The following HDAC5 variants were observed in gnomAD, a reference collection of about 807,000 sequenced individuals.
HDAC5 encodes the protein histone deacetylase 5.
Under a neutral mutation model 133.3 loss-of-function variants are expected in HDAC5, and 25 were observed. That is an observed-to-expected ratio of 0.19 (90% CI 0.14 to 0.26). HDAC5 has a LOEUF of 0.26. Among genes scored for constraint, HDAC5 ranks in the 10% least tolerant of loss-of-function variants. The pLI is 1.00. For missense variants in HDAC5, 1,041 were observed against 1,460.5 expected, an observed-to-expected ratio of 0.71 and a Z score of 4.68; for synonymous variants, 589 against 610.8, an observed-to-expected ratio of 0.96 and a Z score of 0.53.
At chr17:44,111,154 C>T (rs536072679) in intron 2 of HDAC5, 10 of 374,156 alleles carry the variant, frequency 2.7e-5, no homozygotes, top group Admixed American at 2.6e-4. Flanking sequence ...GGGAGCTCAG[C>T]GGGCAGGCGG....
chr17:44,079,364 A>G (rs539879897), intron 23 of HDAC5, 87 bp from the exon 24 acceptor site: 124 of 1,398,008 alleles, frequency 8.9e-5, no homozygotes, highest in South Asian at 1.9e-4. Flanking sequence ...AAAAAAGGCC[A>G]GGCGCGGTGG....
At position 44,088,529 on chromosome 17, in the gene HDAC5, T is replaced by C. The variant is rs1211200732; in HGVS notation, c.1457A>G (p.Lys486Arg). 30 of 1,613,328 alleles carry C rather than the reference T, an allele frequency of 1.9e-5. No homozygotes were observed. Among genetic ancestry groups the C allele is most frequent in the Non-Finnish European group, 2.4e-5 (28 of 1,179,970 alleles). The change falls in exon 12 of 27, where the codon AAG becomes AGG. Residue 486 changes from lysine (K) to arginine (R), a missense_variant. Lys to Arg is a conservative substitution (Grantham distance 26). Transcript: ENST00000682912. ...RVATSMRTVGKLPRHRPLSRT... is the reference protein window; with the variant it reads ...RVATSMRTVGRLPRHRPLSRT... Reference sequence around the variant, plus strand: ...GCTCAGGGGCCGATGCCGCGGGAGCTTGCCTACCGTCCGCATGCTGGTGGC... The same window carrying C: ...GCTCAGGGGCCGATGCCGCGGGAGCCTGCCTACCGTCCGCATGCTGGTGGC...
intron 3 of HDAC5, among the ~76,000 whole-genome samples, chr17:44,095,673 T>C (rs2051223391): frequency 6.6e-6 from 1 of 151,164 alleles, no homozygotes; most frequent in Admixed American, 6.6e-5. Flanking sequence ...TGCCGCTATA[T>C]ATAGAGTGAG....
At chr17:44,085,376 G>C (rs2143125091) in intron 14 of HDAC5, 1 of 422,240 alleles carries the variant, frequency 2.4e-6, no homozygotes, top group Non-Finnish European at 4.3e-6. Flanking sequence ...ACCCAGGCTG[G>C]AGTGGAGTGT....
chr17:44,079,713 T>C (rs1402128533), intron 23 of HDAC5, among the ~76,000 whole-genome samples: 2 of 144,544 alleles, frequency 1.4e-5, no homozygotes, highest in African/African-American at 5.1e-5. Flanking sequence ...TAGCACAAAA[T>C]GTGATGGGAG....
At position 44,123,129 on chromosome 17, in the gene HDAC5, G is replaced by A. The variant is rs147427071; in HGVS notation, c.-190+375C>T. 2.8e-3 allele frequency: 499 copies of A among 176,922 alleles called. 2 individuals are homozygous for A. Among genetic ancestry groups the A allele is most frequent in the Admixed American group, 8.5e-3 (136 of 15,954 alleles). The allele number at this position is 176,922 out of a possible 1,614,324, so 11.0% of individuals were successfully genotyped here. ...GAAGAGGGGTCTGCACAGAATCCGG[G>A]TGCAGGGCTCAAATGGCTCTGCAAC... On this transcript the variant is annotated intron_variant, in intron 1 of 26. Coordinates refer to ENST00000682912, the MANE Select transcript of HDAC5 (RefSeq NM_005474.5).
intron 12 of HDAC5, 83 bp from the exon 13 acceptor site, chr17:44,087,779 C>G (rs1485109735): frequency 1.4e-6 from 2 of 1,422,900 alleles, no homozygotes; most frequent in Non-Finnish European, 1.9e-6. Context: ...CTATCCTTCC[C>G]TCCCTCCCTT....
chr17:44,100,266 GACA>G (rs1379062526), intron 3 of HDAC5, among the ~76,000 whole-genome samples: 1 of 152,050 alleles, frequency 6.6e-6, no homozygotes, highest in Non-Finnish European at 1.5e-5. Flanking sequence ...CCCTCTCAGA[GACA>G]ACATCTCCAA....
intron 14 of HDAC5, among the ~76,000 whole-genome samples, chr17:44,085,834 G>A (rs535985160): frequency 6.6e-6 from 1 of 151,842 alleles, no homozygotes; most frequent in African/African-American, 2.4e-5. Context: ...AAGAGACGGG[G>A]TCTCACTATG....
Position 44,080,114 on chromosome 17 carries a change from G to A in HDAC5, c.2937C>T (p.Thr979=), listed in dbSNP as rs746237138. 32 of 1,609,052 alleles carry A rather than the reference G, an allele frequency of 2.0e-5. No individual in the cohort carries two copies. Among genetic ancestry groups the A allele is most frequent in the Middle Eastern group, 1.6e-4 (1 of 6,078 alleles). Residue 979 remains threonine, a synonymous_variant, in exon 23 of 27, where the codon ACC becomes ACT. Coordinates refer to ENST00000682912, the MANE Select transcript of HDAC5 (RefSeq NM_005474.5). ...HLSPLGGYSV[T]ARCFGHLTRQ... is the part of the protein sequence containing the mutation. ...ATCCCCCAGCAGGCTTACATCTGGC[G>A]GTGACAGAGTAGCCACCCAGAGGAG...
At chr17:44,096,397 C>T (rs2051271646) in intron 3 of HDAC5, among the ~76,000 whole-genome samples, 1 of 151,498 alleles carries the variant, frequency 6.6e-6, no homozygotes, top group Non-Finnish European at 1.5e-5. Flanking sequence ...ATGAGCTGGC[C>T]TCTCTCCAGA....
chr17:44,082,554 C>A, intron 20 of HDAC5, 31 bp downstream of exon 20: 1 of 1,563,668 alleles, frequency 6.4e-7, no homozygotes, highest in Non-Finnish European at 8.8e-7. Flanking sequence ...CTCTACCCGC[C>A]CCTGCCCAGC....
chr17:44,101,521 AC>A (rs1451806712), intron 3 of HDAC5, among the ~76,000 whole-genome samples: 4 of 151,930 alleles, frequency 2.6e-5, no homozygotes, highest in Non-Finnish European at 5.9e-5. Flanking sequence ...GGACATTATT[AC>A]GCTGTTTGGA....
At chr17:44,096,526 T>G (rs1416130787) in intron 3 of HDAC5, among the ~76,000 whole-genome samples, 8 of 149,570 alleles carry the variant, frequency 5.3e-5, no homozygotes, top group Admixed American at 6.8e-5. Context: ...CAGGCTGGAG[T>G]GCAGTGGCAC....
At position 44,089,760 on chromosome 17, in the gene HDAC5, A is replaced by G. The variant is rs1411224922; in HGVS notation, c.1388-1162T>C. Among the ~76,000 whole-genome samples the G allele has an allele frequency of 1.1e-4, 16 of 148,970 alleles. 1 individual carries two copies. The highest frequency in any genetic ancestry group is 1.1e-3 in the Admixed American group (16 of 14,924). ...GAAACTTCGTCTCAAAAAAAAAAAA[A>G]AAAAAAAAAAAAAATTAGCTGGGTG... On this transcript the variant is annotated intron_variant, in intron 11 of 26. Coordinates refer to ENST00000682912, the MANE Select transcript of HDAC5 (RefSeq NM_005474.5).
Position 44,083,624 on chromosome 17 carries a change from A to G in HDAC5, c.2384T>C (p.Met795Thr). 2 of 1,614,116 alleles carry G rather than the reference A, an allele frequency of 1.2e-6. No homozygotes were observed. Among genetic ancestry groups the G allele is most frequent in the Non-Finnish European group, 1.7e-6 (2 of 1,179,986 alleles). The change falls in exon 18 of 27, where the codon ATG becomes ACG. Residue 795 changes from methionine (M) to threonine (T), a missense_variant. Met to Thr is a moderately conservative substitution (Grantham distance 81). This residue lies in a region of HDAC5 where 174 missense variants were observed against 352.7 expected (regional missense o/e 0.49). Coordinates refer to ENST00000682912, the MANE Select transcript of HDAC5 (RefSeq NM_005474.5). The part of the protein sequence containing the change: ...GVDSDTVWNE[M>T]HSSSAVRMAV... ...CATGCGCACAGCACTGGAGGAGTGC[A>G]TCTCATTCCACACGGTGTCACTGTC... is the stretch of plus-strand genomic sequence containing the variant.
intron 6 of HDAC5, 22 bp from the exon 7 acceptor site, chr17:44,092,828 G>GGGGGGGGGGGGGGC: frequency 6.7e-6 from 4 of 596,610 alleles, no homozygotes; most frequent in East Asian, 3.5e-5. Flanking sequence ...GGGGGGTGGG[G>GGGGGGGGGGGGGGC]ATGGAAGCAG....
Position 44,092,205 on chromosome 17 carries a change from G to A in HDAC5, c.999C>T (p.Gly333=), listed in dbSNP as rs2050985455. Residue 333 remains glycine (G), a synonymous_variant, in exon 9 of 27, where the codon GGC becomes GGT. Coordinates refer to ENST00000682912, the MANE Select transcript of HDAC5 (RefSeq NM_005474.5). ...GGATGTTGGGGACTGAGCCAGTAAA[G>A]CCATTCTCAGCGATGGTGCTGTGGG... ...NSSHSTIAEN[G]FTGSVPNIPT... is the part of the protein sequence containing the mutation. The A allele has an allele frequency of 5.0e-6, 8 of 1,614,048 alleles. No individual in the cohort carries two copies. The highest frequency in any genetic ancestry group is 6.8e-6 in the Non-Finnish European group (8 of 1,179,976).
intron 11 of HDAC5, among the ~76,000 whole-genome samples, chr17:44,090,872 G>C (rs1385322636): frequency 6.6e-6 from 1 of 151,968 alleles, no homozygotes; most frequent in Admixed American, 6.6e-5. Flanking sequence ...TGTATTTTTA[G>C]TAGAGACGGG....
Sources: gnomAD v4.1 joint callset for allele counts (sites outside exome capture counted in the v4.1 genomes callset) on GRCh38, gnomAD v4.1.1 for gene constraint, gnomAD v4.1.1 regional missense constraint, MANE v1.5 for transcripts, NCBI Gene and HGNC (gene_info 2026-07-23, HGNC 2026-07-21) for gene names.